Variants in PRKCB observed in about 807,000 individuals in gnomAD.
PRKCB encodes the protein protein kinase C beta type.
Under a neutral mutation model 81.5 loss-of-function variants are expected in PRKCB, and 13 were observed. That is an observed-to-expected ratio of 0.16 (90% confidence interval 0.10 to 0.25). The LOEUF (loss-of-function observed/expected upper bound fraction) is 0.25, where lower values mean the gene tolerates loss of function less well. PRKCB is among the 10% of genes least tolerant of loss of function. PRKCB has a pLI of 1.00. For missense variants in PRKCB, 509 were observed against 875.7 expected, an observed-to-expected ratio of 0.58 and a Z score of 5.29; for synonymous variants, 335 against 321.4, an observed-to-expected ratio of 1.04 and a Z score of -0.45.
chr16:24,000,336 C>T (rs1190369444), intron 3 of PRKCB, among the ~76,000 whole-genome samples: 1 of 152,210 alleles, frequency 6.6e-6, no homozygotes, highest in East Asian at 1.9e-4. Context: ...CCTCAATCGC[C>T]AGTGGACTTA....
intron 16 of PRKCB, among the ~76,000 whole-genome samples, chr16:24,199,267 A>G (rs1039481997): frequency 1.3e-5 from 2 of 152,224 alleles, no homozygotes; most frequent in African/African-American, 4.8e-5. Flanking sequence ...CAGCAATTTT[A>G]TCATCTGAAA....
chr16:24,212,049 T>G (rs1968146165), intron 16 of PRKCB, among the ~76,000 whole-genome samples: 1 of 152,174 alleles, frequency 6.6e-6, no homozygotes, highest in Non-Finnish European at 1.5e-5. Flanking sequence ...CAGCCCTCCA[T>G]TTCTCATCAG....
At chr16:23,936,643 G>A (rs1964062779) in intron 2 of PRKCB, among the ~76,000 whole-genome samples, 1 of 141,672 alleles carries the variant, frequency 7.1e-6, no homozygotes, top group African/African-American at 2.6e-5. Flanking sequence ...ATGTTGCTCA[G>A]GCTGGTCTCG....
In PRKCB at chr16:24,216,226, G is replaced by T; in HGVS notation, c.*1410G>T. ...GGGATGACCTGGCCAGAGCCAACGAGGATACTGGAGCCCAAAGTCAAGTTT... is the reference window on the plus strand; with the variant it reads ...GGGATGACCTGGCCAGAGCCAACGATGATACTGGAGCCCAAAGTCAAGTTT... On this transcript the variant is annotated 3_prime_UTR_variant, in exon 17 of 17. Coordinates refer to ENST00000643927, the MANE Select transcript of PRKCB (RefSeq NM_002738.7). The T allele has an allele frequency of 1.0e-6, 1 of 985,416 alleles. No homozygotes were observed. 61.0% of individuals were successfully genotyped at this position (985,416 alleles called of 1,614,324 possible). A position where few individuals can be genotyped will look rare whatever the true frequency, so the allele number is the denominator to read the frequency against.
chr16:23,944,414 A>AT lies in PRKCB; in HGVS notation c.206-44085dup, dbSNP rs544743491. 6.3e-3 allele frequency among the ~76,000 whole-genome samples: 950 copies of AT among 151,918 alleles called. 9 individuals carry two copies. Among genetic ancestry groups the AT allele is most frequent in the Non-Finnish European group, 8.1e-3 (551 of 67,926 alleles). On this transcript the variant is annotated intron_variant, in intron 2 of 16. Transcript: ENST00000643927. ...AAACTTTTTTAAGTTAAATCTTTAG[A>AT]TTTTTTTTTATTCACCCTGCTGTGG...
chr16:23,921,096 C>T (rs530465529), intron 2 of PRKCB, among the ~76,000 whole-genome samples: 11 of 152,268 alleles, frequency 7.2e-5, no homozygotes, highest in African/African-American at 2.6e-4. Context: ...GGGAAACCAC[C>T]CCCATGATTC....
intron 2 of PRKCB, among the ~76,000 whole-genome samples, chr16:23,958,544 C>A (rs1413720077): frequency 6.6e-6 from 1 of 151,912 alleles, no homozygotes; most frequent in Non-Finnish European, 1.5e-5. Flanking sequence ...ACCTCGTGAT[C>A]CACCCACCTC....
At position 24,032,204 on chromosome 16, in the gene PRKCB, G is replaced by T; in HGVS notation, c.357G>T (p.Gly119=). 6.2e-7 allele frequency: 1 copy of T among 1,613,710 alleles called. No homozygotes were observed. The highest frequency in any genetic ancestry group is 8.5e-7 in the Non-Finnish European group (1 of 1,179,712). Residue 119 remains glycine (G), a synonymous_variant, in exon 4 of 17, where the codon GGG becomes GGT. Transcript: ENST00000643927. The stretch of plus-strand genomic sequence containing the variant: ...GCCCCACGTTTTGTGACCACTGTGG[G>T]TCACTGCTGTATGGACTCATCCACC... The part of the protein sequence containing the change: ...YSSPTFCDHC[G]SLLYGLIHQG...
At chr16:24,116,268 G>A (rs150793770) in intron 8 of PRKCB, among the ~76,000 whole-genome samples, 35 of 152,088 alleles carry the variant, frequency 2.3e-4, no homozygotes, top group African/African-American at 6.3e-4. Flanking sequence ...TAGAAATAGC[G>A]CTTAGGGGCC....
At chr16:24,209,764 C>T (rs139528892) in intron 16 of PRKCB, among the ~76,000 whole-genome samples, 2 of 152,164 alleles carry the variant, frequency 1.3e-5, no homozygotes, top group East Asian at 1.9e-4. Context: ...TATTGTCCCC[C>T]GCTCATTTAA....
At chr16:23,995,057 A>G (rs1417630421) in intron 3 of PRKCB, among the ~76,000 whole-genome samples, 1 of 152,132 alleles carries the variant, frequency 6.6e-6, no homozygotes, top group Non-Finnish European at 1.5e-5. Context: ...AAATTTAGGG[A>G]CCTTCTTCCT....
intron 10 of PRKCB, among the ~76,000 whole-genome samples, chr16:24,156,725 C>T (rs1464908222): frequency 6.6e-6 from 1 of 152,230 alleles, no homozygotes; most frequent in Non-Finnish European, 1.5e-5. Flanking sequence ...AATCTCTAGT[C>T]TTACCATGGG....
At chr16:24,123,664 G>A (rs1966827272) in intron 8 of PRKCB, among the ~76,000 whole-genome samples, 171 bp from the exon 9 acceptor site, 1 of 152,158 alleles carries the variant, frequency 6.6e-6, no homozygotes, top group Admixed American at 6.5e-5. Flanking sequence ...AGATGGAGTT[G>A]CAAAGGATGT....
chr16:24,081,573 A>T (rs956117572), intron 5 of PRKCB, among the ~76,000 whole-genome samples: 8 of 152,234 alleles, frequency 5.3e-5, no homozygotes, highest in Admixed American at 2.0e-4. Context: ...GATAAAAAAA[A>T]TTTTTAAAGG....
At chr16:24,038,768 G>C (rs1047916909) in intron 5 of PRKCB, among the ~76,000 whole-genome samples, 1 of 152,224 alleles carries the variant, frequency 6.6e-6, no homozygotes, top group Admixed American at 6.5e-5. Flanking sequence ...CAGGGAAAAA[G>C]CTTGGCGAGA....
At chr16:24,021,909 C>T (rs1965410429) in intron 3 of PRKCB, among the ~76,000 whole-genome samples, 1 of 152,162 alleles carries the variant, frequency 6.6e-6, no homozygotes, top group African/African-American at 2.4e-5. Context: ...GTAAAAGTCA[C>T]ATTCGACGGT....
At chr16:24,078,745 T>C (rs900707060) in intron 5 of PRKCB, among the ~76,000 whole-genome samples, 3 of 152,156 alleles carry the variant, frequency 2.0e-5, no homozygotes, top group African/African-American at 7.2e-5. Context: ...ATCTTCCCTG[T>C]CGAGGGAAAT....
At chr16:24,146,650 A>G (rs890722651) in intron 9 of PRKCB, among the ~76,000 whole-genome samples, 2 of 152,174 alleles carry the variant, frequency 1.3e-5, no homozygotes, top group Admixed American at 6.5e-5. Flanking sequence ...TCATCACCAC[A>G]AACTTTCCAG....
intron 3 of PRKCB, among the ~76,000 whole-genome samples, chr16:23,999,957 G>A (rs1237944150): frequency 1.3e-5 from 2 of 152,094 alleles, no homozygotes; most frequent in South Asian, 2.1e-4. Flanking sequence ...TTTGGCTCTC[G>A]TCCATGTGGC....
Sources: allele counts gnomAD v4.1 joint callset (sites outside exome capture counted in the v4.1 genomes callset), GRCh38; gene constraint gnomAD v4.1.1; transcripts MANE v1.5; gene names NCBI Gene and HGNC (gene_info 2026-07-23, HGNC 2026-07-21).